The following LRCH2 variants were observed in gnomAD, a reference collection of about 807,000 sequenced individuals.
LRCH2 encodes leucine-rich repeat and calponin homology domain-containing protein 2.
LRCH2 carries 38 observed loss-of-function variants against 68.9 expected under a neutral mutation model. That is an observed-to-expected ratio of 0.55 (90% CI 0.43 to 0.72). The LOEUF (loss-of-function observed/expected upper bound fraction) is 0.72. LRCH2 is among the 30% of genes least tolerant of loss of function. The pLI, the probability that LRCH2 is intolerant of heterozygous loss-of-function variation, is 0.00. For synonymous variants in LRCH2, 191 were observed against 208.1 expected (o/e 0.92, Z 0.71); for missense variants, 528 against 572.9 (o/e 0.92, Z 0.80).
intron 3 of LRCH2, among the ~76,000 whole-genome samples, chrX:115,181,287 T>C (rs146831018): frequency 1.6e-4 from 18 of 111,957 alleles, no homozygotes; most frequent in African/African-American, 5.8e-4. Context: ...CTTTTGAACA[T>C]GGGATTGACA....
At chrX:115,165,807 A>G in intron 8 of LRCH2, 34 bp downstream of exon 8, 8 of 1,062,965 alleles carry the variant, frequency 7.5e-6, no homozygotes, top group Non-Finnish European at 1.0e-5. Context: ...GGCTATGTAC[A>G]TGAAACAAAA....
intron 1 of LRCH2, chrX:115,190,336 T>C (rs2072780677): frequency 8.7e-7 from 1 of 1,154,445 alleles, no homozygotes; most frequent in South Asian, 2.0e-5. Flanking sequence ...CAGCAAAGGC[T>C]CCTACCGAGA....
intron 1 of LRCH2, among the ~76,000 whole-genome samples, chrX:115,228,865 T>G (rs1361341184): frequency 1.8e-5 from 2 of 111,225 alleles, no homozygotes; most frequent in African/African-American, 6.5e-5. Flanking sequence ...TATGCCACAG[T>G]TCCAGATCTC....
At chrX:115,152,501 G>C (rs2072439915) in intron 12 of LRCH2, among the ~76,000 whole-genome samples, 1 of 111,523 alleles carries the variant, frequency 9.0e-6, no homozygotes, top group African/African-American at 3.3e-5. Context: ...AAACAAACTG[G>C]ATGGAATTAA....
At chrX:115,193,645 T>C (rs2072864473) in intron 1 of LRCH2, among the ~76,000 whole-genome samples, 1 of 111,934 alleles carries the variant, frequency 8.9e-6, no homozygotes, top group East Asian at 2.8e-4. Flanking sequence ...ATTATAGCAG[T>C]GGGTTGAAAA....
intron 16 of LRCH2, among the ~76,000 whole-genome samples, chrX:115,124,575 A>G (rs2072170399): frequency 8.9e-6 from 1 of 112,355 alleles, no homozygotes; most frequent in Non-Finnish European, 1.9e-5. Flanking sequence ...CTATGTTTTG[A>G]GCACAACATA....
intron 14 of LRCH2, among the ~76,000 whole-genome samples, chrX:115,142,388 T>C (rs939640571): frequency 8.9e-6 from 1 of 112,225 alleles, no homozygotes; most frequent in Admixed American, 9.4e-5. Context: ...ACATGGATCA[T>C]TCTCAAGGAT....
At chrX:115,151,162 A>G (rs1415842963) in intron 12 of LRCH2, among the ~76,000 whole-genome samples, 1 of 111,844 alleles carries the variant, frequency 8.9e-6, no homozygotes, top group Non-Finnish European at 1.9e-5. Context: ...TTAATTTGGA[A>G]GAATGGATGA....
chrX:115,158,147 C>T (rs1414115893), intron 11 of LRCH2, among the ~76,000 whole-genome samples: 2 of 111,572 alleles, frequency 1.8e-5, no homozygotes, highest in Non-Finnish European at 3.8e-5. Context: ...TCAGCTATGT[C>T]AACCTGGCCC....
At position 115,110,697 on chromosome X, in the gene LRCH2, G is replaced by A. The variant is rs1296163930; in HGVS notation, c.*2519C>T. 2 of 111,887 alleles carry A rather than the reference G, an allele frequency of 1.8e-5. No homozygotes were observed. The highest frequency in any genetic ancestry group is 3.8e-5 in the Non-Finnish European group (2 of 53,093). The allele number at this position is 111,887 out of a possible 1,213,427, so 9.2% of individuals were successfully genotyped here. A position where few individuals can be genotyped will look rare whatever the true frequency, so the allele number is the denominator to read the frequency against. On this transcript the variant is annotated 3_prime_UTR_variant, in exon 21 of 21. Coordinates refer to ENST00000317135, the MANE Select transcript of LRCH2 (RefSeq NM_020871.4). ...ATTTATTTTTAAATGCATCAGAAAA[G>A]CAATTATGATAGATCTGTGACCAAT...
intron 1 of LRCH2, chrX:115,192,251 A>C: frequency 1.7e-6 from 2 of 1,145,937 alleles, no homozygotes; most frequent in Non-Finnish European, 2.3e-6. Context: ...AACAACAGTC[A>C]TGGCCGGAGC....
chrX:115,115,718 T>A (rs1556523811), intron 20 of LRCH2, among the ~76,000 whole-genome samples: 1 of 110,432 alleles, frequency 9.1e-6, no homozygotes. Context: ...TTCATCAAAT[T>A]AGTAACTTTT....
At position 115,149,888 on chromosome X, in the gene LRCH2, G is replaced by T; in HGVS notation, c.1634C>A (p.Pro545His). 8.3e-7 allele frequency: 1 copy of T among 1,206,448 alleles called. No individual in the cohort carries two copies. Among genetic ancestry groups the T allele is most frequent in the South Asian group, 1.8e-5 (1 of 56,258 alleles). ...IDEQPWPESH[P>H]IIWQSEERRR... ...CCTTTCTTCACTCTGCCAGATTATA[G>T]GGTGAGATTCTGGCCACGGTTGTTC... Residue 545 changes from proline (P) to histidine (H), a missense_variant, in exon 14 of 21, where the codon CCT (proline) becomes CAT (histidine). Transcript: ENST00000317135.
intron 6 of LRCH2, 136 bp downstream of exon 6, chrX:115,170,163 T>C (rs1192087883): frequency 3.8e-6 from 2 of 520,886 alleles, no homozygotes; most frequent in Non-Finnish European, 2.8e-6. Flanking sequence ...TGGTGATATG[T>C]AGCTTCAGCC....
At chrX:115,190,122 C>T (rs2072776305) in intron 1 of LRCH2, 1 of 1,157,098 alleles carries the variant, frequency 8.6e-7, no homozygotes, top group African/African-American at 1.8e-5. Flanking sequence ...AGGCCCCGGC[C>T]GTGTGGGGGC....
intron 12 of LRCH2, among the ~76,000 whole-genome samples, chrX:115,153,409 A>C (rs961012144): frequency 3.6e-5 from 4 of 111,440 alleles, no homozygotes; most frequent in Non-Finnish European, 5.6e-5. Flanking sequence ...AATTATGTTA[A>C]AATCTCTCTT....
intron 15 of LRCH2, among the ~76,000 whole-genome samples, chrX:115,128,956 G>A (rs1353693877): frequency 8.9e-6 from 1 of 112,159 alleles, no homozygotes; most frequent in Admixed American, 9.5e-5. Context: ...GGTAATTTTA[G>A]TGTACAGCCA....
rs782697272 is a variant in LRCH2 at position 115,179,766 on chromosome X, A to G, written c.622-15T>C. 6.4e-6 allele frequency: 6 copies of G among 934,117 alleles called. No individual in the cohort carries two copies. Among genetic ancestry groups the G allele is most frequent in the Non-Finnish European group, 8.6e-6 (6 of 700,031 alleles). 77.0% of individuals were successfully genotyped at this position (934,117 alleles called of 1,213,427 possible). ...CAGCTAATATCCTAAGGAGAACAAT[A>G]AAACAGAATTATAACAAGCTAACTG... On this transcript the variant is annotated splice_polypyrimidine_tract_variant and intron_variant, in intron 3 of 20. Transcript: ENST00000317135.
chrX:115,194,171 T>A (rs782246621), intron 1 of LRCH2, among the ~76,000 whole-genome samples: 1 of 111,307 alleles, frequency 9.0e-6, no homozygotes, highest in South Asian at 3.8e-4. Flanking sequence ...AGATATATAT[T>A]CTCATTCTTA....
Sources: gnomAD v4.1 joint callset for allele counts (sites outside exome capture counted in the v4.1 genomes callset) on GRCh38, gnomAD v4.1.1 for gene constraint, MANE v1.5 for transcripts, NCBI Gene and HGNC (gene_info 2026-07-23, HGNC 2026-07-21) for gene names.